Variants in FHDC1 observed in about 807,000 individuals in gnomAD.
FHDC1 encodes FH2 domain containing 1, also known as FH2 domain-containing protein 1.
In FHDC1, 25 loss-of-function variants were observed where a neutral mutation model predicts 52.6. That is an observed-to-expected ratio of 0.48 (90% CI 0.35 to 0.66). The LOEUF is 0.66. Ranked by LOEUF, FHDC1 falls within the 30% of genes least tolerant of loss-of-function variation. The pLI, the probability that FHDC1 is intolerant of heterozygous loss-of-function variation, is 0.01. For missense variants in FHDC1, 1,459 were observed against 1,452.8 expected, an observed-to-expected ratio of 1.00 and a Z score of -0.07; for synonymous variants, 616 against 581.5, an observed-to-expected ratio of 1.06 and a Z score of -0.85.
At chr4:152,914,472 G>C in the FHDC1 span, among the ~76,000 whole-genome samples, 1 of 152,192 alleles carries the variant, frequency 6.6e-6, no homozygotes, top group African/African-American at 2.4e-5. Context: ...GGTCCAGTCT[G>C]AGCACCATAA....
Position 152,960,838 on chromosome 4 carries a change from A to G in FHDC1, c.844A>G (p.Ile282Val), listed in dbSNP as rs1455633208. The G allele has an allele frequency of 5.7e-6, 9 of 1,583,060 alleles. No homozygotes were observed. Among genetic ancestry groups the G allele is most frequent in the Non-Finnish European group, 7.7e-6 (9 of 1,168,752 alleles). ...AGATATAACAGTTTTAAGAACTGCT[A>G]TAAAAGGTGAGTCAACATATGATCC... ...YTDITVLRTA[I>V]KELMSCEELH... Residue 282 changes from isoleucine to valine, a missense_variant, in exon 6 of 12, where the codon ATA (isoleucine) becomes GTA (valine). Ile to Val is a conservative substitution (Grantham distance 29, BLOSUM62 3). Coordinates refer to ENST00000511601, the MANE Select transcript of FHDC1 (RefSeq NM_001371116.1).
chr4:152,979,420 A>C lies in FHDC1; in HGVS notation c.*2697A>C, dbSNP rs1271152225. On this transcript the variant is annotated 3_prime_UTR_variant, in exon 12 of 12. Transcript: ENST00000511601. Reference sequence around the variant, plus strand: ...GCATGAGTTGTTGCTGGAAGATCTAATAAGCTGTGTTTCCTGGGAAGTGGT... The same window carrying C: ...GCATGAGTTGTTGCTGGAAGATCTACTAAGCTGTGTTTCCTGGGAAGTGGT... 2 of 152,226 alleles carry C rather than the reference A, an allele frequency of 1.3e-5. No individual in the cohort carries two copies. Among genetic ancestry groups the C allele is most frequent in the Non-Finnish European group, 2.9e-5 (2 of 68,038 alleles). The allele number at this position is 152,226 out of a possible 1,614,324, so 9.4% of individuals were successfully genotyped here.
intron 8 of FHDC1, among the ~76,000 whole-genome samples, chr4:152,963,765 C>CTT (rs1561211172): frequency 9.8e-5 from 5 of 50,872 alleles, no homozygotes; most frequent in African/African-American, 3.6e-4. Flanking sequence ...CTATCCATTG[C>CTT]TTTGTTTTTT....
upstream of FHDC1, among the ~76,000 whole-genome samples, chr4:152,935,371 C>G (rs577967705): frequency 9.3e-4 from 142 of 152,172 alleles, 1 homozygote; most frequent in South Asian, 0.029. Flanking sequence ...GCCTCCCTAC[C>G]CCGACAGTGG....
chr4:152,913,395 T>G, the FHDC1 span, among the ~76,000 whole-genome samples: 1 of 152,194 alleles, frequency 6.6e-6, no homozygotes, highest in Non-Finnish European at 1.5e-5. Context: ...TAAAGATAAA[T>G]TTCTTCTAAT....
chr4:152,932,926 C>A (rs1739275800), upstream of FHDC1, among the ~76,000 whole-genome samples: 2 of 152,138 alleles, frequency 1.3e-5, no homozygotes, highest in South Asian at 2.1e-4. Flanking sequence ...CCATAAGAAT[C>A]AAAATAAACT....
chr4:152,912,677 A>G, the FHDC1 span, among the ~76,000 whole-genome samples: 2 of 152,236 alleles, frequency 1.3e-5, no homozygotes, highest in Admixed American at 1.3e-4. Context: ...TAAAGGCTGA[A>G]CAATCACCAA....
rs753434824 is a variant in FHDC1 at position 152,975,676 on chromosome 4, C to T, written c.2385C>T (p.Gly795=). Residue 795 remains glycine, a synonymous_variant, in exon 12 of 12, where the codon GGC becomes GGT. Transcript: ENST00000511601. ...AGGGAACCGACTCCAGACCCAGAGG[C>T]GGGGACCCGGAGGAAGGCGGGGAAG... ...CSEGTDSRPR[G]GDPEEGGEGD... 1.2e-4 allele frequency: 187 copies of T among 1,612,686 alleles called. No homozygotes were observed. Among genetic ancestry groups the T allele is most frequent in the Non-Finnish European group, 1.5e-4 (175 of 1,179,490 alleles).
At chr4:152,948,348 T>C (rs1353769089) in intron 2 of FHDC1, among the ~76,000 whole-genome samples, 2 of 152,192 alleles carry the variant, frequency 1.3e-5, no homozygotes, top group Non-Finnish European at 2.9e-5. Context: ...GGACAAATAC[T>C]GTATGATTCC....
chr4:152,915,123 T>C, the FHDC1 span, among the ~76,000 whole-genome samples: 1 of 152,224 alleles, frequency 6.6e-6, no homozygotes, highest in Non-Finnish European at 1.5e-5. Flanking sequence ...GGCAGATAAT[T>C]ATTCTTTCCT....
the FHDC1 span, among the ~76,000 whole-genome samples, chr4:152,925,457 A>T: frequency 6.6e-6 from 1 of 152,212 alleles, no homozygotes; most frequent in Admixed American, 6.5e-5. Context: ...AGGTGAAAAA[A>T]TCAGATAGCT....
chr4:152,914,314 C>T, the FHDC1 span, among the ~76,000 whole-genome samples: 3 of 152,102 alleles, frequency 2.0e-5, no homozygotes, highest in African/African-American at 7.2e-5. Context: ...GCCAAGTGGT[C>T]ATCGTAATGT....
intron 3 of FHDC1, 130 bp from the exon 4 acceptor site, chr4:152,954,087 A>G (rs1484143978): frequency 1.4e-6 from 1 of 733,952 alleles, no homozygotes; most frequent in East Asian, 2.8e-5. Context: ...GCACTCACAC[A>G]AAACTGCCAG....
Position 152,942,975 on chromosome 4 carries a change from G to C in FHDC1, c.-83G>C. 4 of 1,465,320 alleles carry C rather than the reference G, an allele frequency of 2.7e-6. No homozygotes were observed. Among genetic ancestry groups the C allele is most frequent in the Non-Finnish European group, 3.7e-6 (4 of 1,079,838 alleles). 90.8% of individuals were successfully genotyped at this position (1,465,320 alleles called of 1,614,324 possible). A position where few individuals can be genotyped will look rare whatever the true frequency, so the allele number is the denominator to read the frequency against. ...TTTATTCTGGCGGCAGATAGCAGCAGGTGAAAAAGTGCTACACAAGTTTGA... is the reference window on the plus strand; with the variant it reads ...TTTATTCTGGCGGCAGATAGCAGCACGTGAAAAAGTGCTACACAAGTTTGA... On this transcript the variant is annotated 5_prime_UTR_variant, in exon 2 of 12. Transcript: ENST00000511601.
chr4:152,948,606 C>T (rs191465992), intron 2 of FHDC1, among the ~76,000 whole-genome samples: 9 of 152,112 alleles, frequency 5.9e-5, no homozygotes, highest in African/African-American at 2.2e-4. Context: ...GCACATACCA[C>T]CACGCCCAGC....
rs764011436 is a variant in FHDC1 at position 152,960,687 on chromosome 4, G to C, written c.749+37G>C. 6 of 1,611,492 alleles carry C rather than the reference G, an allele frequency of 3.7e-6. No homozygotes were observed. In the South Asian group the frequency reaches 6.6e-5, roughly 18 times the overall value. ...GTCGCTGGTTATTATTCTTCACGCAGTAAGATTTTTAAACTAATGACATCA... is the reference window on the plus strand; with the variant it reads ...GTCGCTGGTTATTATTCTTCACGCACTAAGATTTTTAAACTAATGACATCA... On this transcript the variant is annotated intron_variant, in intron 5 of 11. Transcript: ENST00000511601.
the FHDC1 span, chr4:152,917,108 C>T: frequency 6.6e-6 from 1 of 152,090 alleles, no homozygotes; most frequent in South Asian, 2.1e-4. Context: ...TTCCCGGCCC[C>T]AAATTGATGC....
the FHDC1 span, among the ~76,000 whole-genome samples, chr4:152,925,211 C>G: frequency 6.6e-6 from 1 of 152,070 alleles, no homozygotes; most frequent in Non-Finnish European, 1.5e-5. Context: ...TGATTTAAAG[C>G]AACTCTTTTT....
chr4:152,924,864 G>A, the FHDC1 span, among the ~76,000 whole-genome samples: 2 of 119,410 alleles, frequency 1.7e-5, no homozygotes, highest in Non-Finnish European at 3.3e-5. Context: ...ACTGTTGTGG[G>A]GTGGGGGGAG....
Sources: allele counts gnomAD v4.1 joint callset (sites outside exome capture counted in the v4.1 genomes callset), GRCh38; gene constraint gnomAD v4.1.1; transcripts MANE v1.5; gene names NCBI Gene and HGNC (gene_info 2026-07-23, HGNC 2026-07-21).